TNFAIP8: variants seen among roughly 807,000 people sequenced by gnomAD.
TNFAIP8 encodes TNF alpha induced protein 8, also known as tumor necrosis factor alpha-induced protein 8.
Under a neutral mutation model 13.3 loss-of-function variants are expected in TNFAIP8, and 7 were observed. The ratio of observed to expected loss-of-function variants is 0.52; its 90% confidence interval spans 0.30 to 0.99. The LOEUF is 0.99. Among genes scored for constraint, TNFAIP8 ranks in the 50% least tolerant of loss-of-function variants. The pLI, the probability that TNFAIP8 is intolerant of heterozygous loss-of-function variation, is 0.07. For synonymous variants in TNFAIP8, 94 were observed against 87.6 expected, an observed-to-expected ratio of 1.07 and a Z score of -0.41; for missense variants, 258 against 236.9, an observed-to-expected ratio of 1.09 and a Z score of -0.58.
intron 1 of TNFAIP8, among the ~76,000 whole-genome samples, chr5:119,362,249 A>G (rs1316259727): frequency 6.6e-6 from 1 of 152,142 alleles, no homozygotes; most frequent in Non-Finnish European, 1.5e-5. Flanking sequence ...GAACCTACTT[A>G]TGCTGTGTGC....
intron 1 of TNFAIP8, among the ~76,000 whole-genome samples, chr5:119,347,489 TATC>T (rs1402629868): frequency 3.3e-5 from 5 of 152,220 alleles, no homozygotes; most frequent in Non-Finnish European, 5.9e-5. Flanking sequence ...ATGGACTTAA[TATC>T]ATCTTTTTTA....
chr5:119,277,342 C>T (rs540317707), intron 1 of TNFAIP8, among the ~76,000 whole-genome samples: 14 of 152,206 alleles, frequency 9.2e-5, no homozygotes, highest in African/African-American at 2.6e-4. Context: ...GAGAAAAATA[C>T]GCATTTACTG....
intron 1 of TNFAIP8, among the ~76,000 whole-genome samples, chr5:119,343,273 G>A (rs250300): frequency 6.6e-6 from 1 of 152,200 alleles, no homozygotes; most frequent in Non-Finnish European, 1.5e-5. Context: ...AAGGAAGTGC[G>A]TCCATTCTGT....
At chr5:119,375,072 G>GA (rs1159247166) in intron 1 of TNFAIP8, among the ~76,000 whole-genome samples, 5 of 152,004 alleles carry the variant, frequency 3.3e-5, no homozygotes, top group African/African-American at 9.7e-5. Context: ...ATTAGAAAAA[G>GA]AAAAAAACAC....
intron 1 of TNFAIP8, among the ~76,000 whole-genome samples, chr5:119,349,500 A>C (rs984803421): frequency 3.3e-5 from 5 of 152,270 alleles, no homozygotes; most frequent in South Asian, 2.1e-4. Context: ...ATCTTAATGC[A>C]AATGAGGCAC....
At chr5:119,340,775 CCAAGTG>C (rs1335339593) in intron 1 of TNFAIP8, among the ~76,000 whole-genome samples, 7 of 152,184 alleles carry the variant, frequency 4.6e-5, no homozygotes, top group Admixed American at 4.6e-4. Context: ...TAAATAGCCA[CCAAGTG>C]GCTGGACTGG....
intron 1 of TNFAIP8, among the ~76,000 whole-genome samples, chr5:119,350,394 G>C (rs6595184): frequency 0.16 from 24,126 of 152,206 alleles, 3,615 homozygotes; most frequent in African/African-American, 0.4. Context: ...TTTTATATGA[G>C]ACTTGAGCAT....
chr5:119,382,667 C>A (rs1228498537), intron 1 of TNFAIP8, among the ~76,000 whole-genome samples: 1 of 152,026 alleles, frequency 6.6e-6, no homozygotes, highest in African/African-American at 2.4e-5. Flanking sequence ...CTTGGTAGTC[C>A]CATTTGCAGA....
At chr5:119,392,669 CAG>C (rs1752936254) in intron 1 of TNFAIP8, 145 bp from the exon 2 acceptor site, 7 of 978,376 alleles carry the variant, frequency 7.2e-6, no homozygotes, top group Non-Finnish European at 1.0e-5. Flanking sequence ...CTTTTCTGAA[CAG>C]AGACTAATGT....
At chr5:119,347,105 G>A (rs1750927997) in intron 1 of TNFAIP8, among the ~76,000 whole-genome samples, 1 of 152,216 alleles carries the variant, frequency 6.6e-6, no homozygotes, top group Non-Finnish European at 1.5e-5. Context: ...AGATACTAGA[G>A]TTAGCTTGTC....
chr5:119,329,105 C>T (rs1374692883), intron 1 of TNFAIP8, among the ~76,000 whole-genome samples: 1 of 152,204 alleles, frequency 6.6e-6, no homozygotes, highest in East Asian at 1.9e-4. Context: ...CTGTGCTGCT[C>T]ACAGCTAGTG....
chr5:119,358,432 A>C (rs1318051805), intron 1 of TNFAIP8, among the ~76,000 whole-genome samples: 1 of 152,202 alleles, frequency 6.6e-6, no homozygotes, highest in Non-Finnish European at 1.5e-5. Context: ...GCCTATAGCC[A>C]TCTCCTAAAT....
At chr5:119,275,921 C>G (rs1037541410) in intron 1 of TNFAIP8, among the ~76,000 whole-genome samples, 6 of 151,990 alleles carry the variant, frequency 3.9e-5, no homozygotes, top group African/African-American at 1.5e-4. Flanking sequence ...AGTCAGCCAT[C>G]CCCCAGGTTT....
intron 1 of TNFAIP8, among the ~76,000 whole-genome samples, chr5:119,386,972 TCC>T (rs1490556604): frequency 2.1e-3 from 184 of 88,684 alleles, no homozygotes; most frequent in Middle Eastern, 0.01. Context: ...CCTCCCTCCC[TCC>T]CTCCCTCTCT....
chr5:119,358,337 A>G (rs1394057206), intron 1 of TNFAIP8, among the ~76,000 whole-genome samples: 1 of 152,204 alleles, frequency 6.6e-6, no homozygotes, highest in African/African-American at 2.4e-5. Context: ...GTGAATGTAG[A>G]AGCAAATGAC....
chr5:119,362,121 G>T (rs2112790165), intron 1 of TNFAIP8, among the ~76,000 whole-genome samples: 1 of 152,340 alleles, frequency 6.6e-6, no homozygotes, highest in South Asian at 2.1e-4. Context: ...AAGTCTAGAA[G>T]AGGGGGTATT....
chr5:119,379,678 C>A (rs1257385588), intron 1 of TNFAIP8, among the ~76,000 whole-genome samples: 2 of 152,146 alleles, frequency 1.3e-5, no homozygotes, highest in Non-Finnish European at 2.9e-5. Flanking sequence ...GCAGCCTCAA[C>A]CTCCCAGGCT....
chr5:119,281,400 A>G (rs1748626864), intron 1 of TNFAIP8, among the ~76,000 whole-genome samples: 1 of 151,988 alleles, frequency 6.6e-6, no homozygotes, highest in Non-Finnish European at 1.5e-5. Context: ...TTAAAGTTCA[A>G]GACTATAGGG....
rs151241799 is a variant in TNFAIP8 at position 119,311,360 on chromosome 5, G to A, written c.1+42453G>A. 2.6e-3 allele frequency among the ~76,000 whole-genome samples: 391 copies of A among 151,606 alleles called. 1 individual carries two copies. The highest frequency in any genetic ancestry group is 8.9e-3 in the African/African-American group (369 of 41,362). Reference sequence around the variant, plus strand: ...TTTAAAGGAAACAAAAGGTTGAAATGGCACTGTGAATTTTGAACAGTCAAA... The same window carrying A: ...TTTAAAGGAAACAAAAGGTTGAAATAGCACTGTGAATTTTGAACAGTCAAA... On this transcript the variant is annotated intron_variant, in intron 1 of 1. Coordinates refer to the TNFAIP8 transcript ENST00000274456.
Sources: allele counts gnomAD v4.1 joint callset (sites outside exome capture counted in the v4.1 genomes callset), GRCh38; gene constraint gnomAD v4.1.1; transcripts MANE v1.5; gene names NCBI Gene and HGNC (gene_info 2026-07-23, HGNC 2026-07-21).